CBX3: variants seen among roughly 807,000 people sequenced by gnomAD.
The protein encoded by CBX3 is chromobox 3, also known as chromobox protein homolog 3.
Under a neutral mutation model 22.6 loss-of-function variants are expected in CBX3, and 5 were observed. The observed-to-expected ratio is 0.22, with a 90% CI of 0.12 to 0.47. The LOEUF is 0.47. Ranked by LOEUF, CBX3 falls within the 20% of genes least tolerant of loss-of-function variation. The pLI, the probability that CBX3 is intolerant of heterozygous loss-of-function variation, is 0.99. For synonymous variants in CBX3, 50 were observed against 66.6 expected, an observed-to-expected ratio of 0.75 and a Z score of 1.21; for missense variants, 83 against 208.1, an observed-to-expected ratio of 0.40 and a Z score of 3.70.
intron 2 of CBX3, among the ~76,000 whole-genome samples, chr7:26,204,247 A>G (rs1784623460): frequency 6.6e-6 from 1 of 151,790 alleles, no homozygotes; most frequent in African/African-American, 2.4e-5. Flanking sequence ...TTTTTTGTAA[A>G]CCTTAGTGTG....
chr7:26,203,707 A>G (rs868764572), intron 2 of CBX3, among the ~76,000 whole-genome samples: 11 of 152,192 alleles, frequency 7.2e-5, no homozygotes, highest in Non-Finnish European at 1.6e-4. Flanking sequence ...AGTTTTCACA[A>G]TATTTAACAT....
At chr7:26,203,607 ATTTT>A (rs540128293) in intron 2 of CBX3, among the ~76,000 whole-genome samples, 1 of 150,514 alleles carries the variant, frequency 6.6e-6, no homozygotes, top group Non-Finnish European at 1.5e-5. Context: ...AAAAGGCTAG[ATTTT>A]TTTTTTATCT....
chr7:26,211,547 T>C (rs1283183409), intron 4 of CBX3, 115 bp from the exon 5 acceptor site: 8 of 556,482 alleles, frequency 1.4e-5, no homozygotes, highest in African/African-American at 1.2e-4. Context: ...TTACCAAATA[T>C]GGGTTCTTGC....
intron 1 of CBX3, chr7:26,202,506 T>G (rs952445673): frequency 6.5e-6 from 1 of 153,566 alleles, no homozygotes; most frequent in Non-Finnish European, 1.5e-5. Flanking sequence ...CATCTTAAGT[T>G]TTTTCCTTTT....
chr7:26,211,290 T>C (rs560649713), intron 4 of CBX3, among the ~76,000 whole-genome samples: 57 of 152,318 alleles, frequency 3.7e-4, no homozygotes, highest in Admixed American at 1.1e-3. Flanking sequence ...TTTTAAAATG[T>C]GTCAGTAATT....
At chr7:26,203,589 G>C (rs1304455113) in intron 2 of CBX3, among the ~76,000 whole-genome samples, 1 of 152,066 alleles carries the variant, frequency 6.6e-6, no homozygotes, top group Non-Finnish European at 1.5e-5. Flanking sequence ...ATATGAGCCA[G>C]AAGGGAGAAA....
chr7:26,211,694 T>C lies in CBX3; in HGVS notation c.363T>C (p.Leu121=). ...AACCAAGAGGATTTGCCAGAGGTCT[T>C]GATCCTGAAAGAATAATTGGTGCCA... The part of the protein sequence containing the change: ...ADKPRGFARG[L]DPERIIGATD... The change falls in exon 5 of 6, where the codon CTT becomes CTC. Residue 121 remains leucine, a synonymous_variant. Coordinates refer to ENST00000396386, the MANE Select transcript of CBX3 (RefSeq NM_016587.4). 1 of 1,611,248 alleles carries C rather than the reference T, an allele frequency of 6.2e-7. No individual in the cohort carries two copies. Among genetic ancestry groups the C allele is most frequent in the South Asian group, 1.1e-5 (1 of 90,486 alleles).
Position 26,213,078 on chromosome 7 carries a change from T to A in CBX3, c.*870T>A, listed in dbSNP as rs1441323832. On this transcript the variant is annotated 3_prime_UTR_variant, in exon 6 of 6. Coordinates refer to ENST00000396386, the MANE Select transcript of CBX3 (RefSeq NM_016587.4). The stretch of plus-strand genomic sequence containing the variant: ...AATGGAATATGTAAGACTTGGCTCA[T>A]AGAAACCTAATCAGATGGTTAGAGG... 1 of 152,386 alleles carries A rather than the reference T, an allele frequency of 6.6e-6. No homozygotes were observed. Among genetic ancestry groups the A allele is most frequent in the Non-Finnish European group, 1.5e-5 (1 of 68,056 alleles). 9.4% of individuals were successfully genotyped at this position (152,386 alleles called of 1,614,324 possible).
At chr7:26,205,310 G>C (rs1784650393) in intron 2 of CBX3, among the ~76,000 whole-genome samples, 1 of 152,128 alleles carries the variant, frequency 6.6e-6, no homozygotes, top group Non-Finnish European at 1.5e-5. Context: ...GAAAATGCCT[G>C]TTTAAAGTGA....
intron 3 of CBX3, 109 bp from the exon 4 acceptor site, chr7:26,208,284 T>C: frequency 1.2e-6 from 1 of 831,028 alleles, no homozygotes; most frequent in Non-Finnish European, 1.8e-6. Flanking sequence ...GTATCTGCAG[T>C]ACAGAGGACT....
chr7:26,203,138 C>T (rs895463870), intron 2 of CBX3, 116 bp downstream of exon 2: 3 of 729,894 alleles, frequency 4.1e-6, no homozygotes, highest in African/African-American at 3.6e-5. Context: ...CCCAGCTCTC[C>T]CAGTGTAAAT....
intron 2 of CBX3, among the ~76,000 whole-genome samples, chr7:26,203,914 C>T (rs145643730): frequency 1.3e-5 from 2 of 152,060 alleles, no homozygotes; most frequent in African/African-American, 2.4e-5. Flanking sequence ...TTCTGTTTAC[C>T]CTGGAAAACA....
chr7:26,211,532 T>C lies in CBX3; in HGVS notation c.331-130T>C. 5.8e-6 allele frequency: 3 copies of C among 514,464 alleles called. No individual in the cohort carries two copies. In the South Asian group the frequency reaches 1.2e-4, roughly 20 times the overall value. The allele number at this position is 514,464 out of a possible 1,614,324, so 31.9% of individuals were successfully genotyped here. A position where few individuals can be genotyped will look rare whatever the true frequency, so the allele number is the denominator to read the frequency against. On this transcript the variant is annotated intron_variant, in intron 4 of 5. Coordinates refer to ENST00000396386, the MANE Select transcript of CBX3 (RefSeq NM_016587.4). Reference sequence around the variant, plus strand: ...GTAAAGTTAATGGAAATCAGATGTTTTTAATTACCAAATATGGGTTCTTGC... The same window carrying C: ...GTAAAGTTAATGGAAATCAGATGTTCTTAATTACCAAATATGGGTTCTTGC...
At chr7:26,208,706 G>A (rs980574162) in intron 4 of CBX3, 151 bp downstream of exon 4, 227 of 616,792 alleles carry the variant, frequency 3.7e-4, no homozygotes, top group Middle Eastern at 1.8e-3. Flanking sequence ...TGCAACTGCC[G>A]CCTCCTGGGT....
intron 1 of CBX3, chr7:26,202,715 G>A: frequency 2.2e-6 from 1 of 449,254 alleles, no homozygotes; most frequent in Non-Finnish European, 3.9e-6. Context: ...AAAAGACATT[G>A]GTCCCCTATT....
chr7:26,202,878 C>G (rs1784581722), intron 1 of CBX3, 93 bp from the exon 2 acceptor site: 1 of 761,866 alleles, frequency 1.3e-6, no homozygotes, highest in Middle Eastern at 2.3e-4. Context: ...AATGTGCGCT[C>G]TCTACTTGGG....
intron 2 of CBX3, among the ~76,000 whole-genome samples, chr7:26,205,591 C>T (rs1347532886): frequency 1.3e-5 from 2 of 152,036 alleles, no homozygotes; most frequent in Non-Finnish European, 2.9e-5. Context: ...TTCTCTGTAT[C>T]ATTGATGCTT....
chr7:26,202,940 A>C, intron 1 of CBX3, 31 bp from the exon 2 acceptor site: 1 of 1,419,640 alleles, frequency 7.0e-7, no homozygotes. Context: ...GTGTCATGCA[A>C]ACTTACCTTA....
rs1256975949 is a variant in CBX3 at position 26,213,372 on chromosome 7, C to A, written c.*1164C>A. On this transcript the variant is annotated 3_prime_UTR_variant, in exon 6 of 6. Transcript: ENST00000396386. ...CTTTATGCAATTATTAGACTTTTTT[C>A]TTTATTTGATATGCCTTTACAGTAG... 1.0e-4 allele frequency: 11 copies of A among 105,024 alleles called. No individual in the cohort carries two copies. The highest frequency in any genetic ancestry group is 1.0e-3 in the Admixed American group (10 of 9,588). 6.5% of individuals were successfully genotyped at this position (105,024 alleles called of 1,614,324 possible). A position where few individuals can be genotyped will look rare whatever the true frequency, so the allele number is the denominator to read the frequency against.
Sources: allele counts gnomAD v4.1 joint callset (sites outside exome capture counted in the v4.1 genomes callset), GRCh38; gene constraint gnomAD v4.1.1; transcripts MANE v1.5; gene names NCBI Gene and HGNC (gene_info 2026-07-23, HGNC 2026-07-21).